The following ASTN1 variants were observed in gnomAD, a reference collection of about 807,000 sequenced individuals.
ASTN1 encodes astrotactin-1.
Under a neutral mutation model 140.7 loss-of-function variants are expected in ASTN1, and 41 were observed. That is an observed-to-expected ratio of 0.29 (90% confidence interval 0.23 to 0.38). The LOEUF (loss-of-function observed/expected upper bound fraction) is 0.38, where lower values mean the gene tolerates loss of function less well. Among genes scored for constraint, ASTN1 ranks in the 10% least tolerant of loss-of-function variants. The pLI, the probability that ASTN1 is intolerant of heterozygous loss-of-function variation, is 1.00. For missense variants in ASTN1, 1,479 were observed against 1,678.8 expected (o/e 0.88, Z 2.08); for synonymous variants, 640 against 652.2 (o/e 0.98, Z 0.29).
At chr1:177,034,584 AGAGCTCCTGG>A (rs1304404587) in intron 2 of ASTN1, among the ~76,000 whole-genome samples, 2 of 152,116 alleles carry the variant, frequency 1.3e-5, no homozygotes, top group East Asian at 3.9e-4. Flanking sequence ...ACACACACAC[AGAGCTCCTGG>A]GACCCCCCAG....
chr1:176,886,114 G>T (rs536735749), intron 18 of ASTN1, among the ~76,000 whole-genome samples: 1 of 151,982 alleles, frequency 6.6e-6, no homozygotes, highest in South Asian at 2.1e-4. Context: ...GACTAAACCC[G>T]GCCTCTTCTG....
chr1:176,961,472 C>G (rs534944669), intron 9 of ASTN1, among the ~76,000 whole-genome samples: 1 of 152,152 alleles, frequency 6.6e-6, no homozygotes, highest in Non-Finnish European at 1.5e-5. Flanking sequence ...TGCTCTGTAG[C>G]GTGGCCTCAT....
chr1:177,014,713 A>T, intron 8 of ASTN1, 78 bp downstream of exon 8: 1 of 1,348,298 alleles, frequency 7.4e-7, no homozygotes, highest in South Asian at 1.2e-5. Context: ...ATTCCTCTCC[A>T]TGCAGTTGCT....
chr1:176,939,669 T>C (rs1215387606), intron 14 of ASTN1, among the ~76,000 whole-genome samples: 1 of 152,136 alleles, frequency 6.6e-6, no homozygotes, highest in Admixed American at 6.5e-5. Flanking sequence ...TTCTGCTGAA[T>C]GACTTTTTTC....
At chr1:176,921,440 G>A (rs1362452018) in intron 16 of ASTN1, among the ~76,000 whole-genome samples, 1 of 152,160 alleles carries the variant, frequency 6.6e-6, no homozygotes, top group Non-Finnish European at 1.5e-5. Flanking sequence ...TTTAAACACA[G>A]GTTGCATGTT....
At chr1:177,104,486 G>A (rs1680451889) in intron 1 of ASTN1, among the ~76,000 whole-genome samples, 1 of 152,242 alleles carries the variant, frequency 6.6e-6, no homozygotes, top group Middle Eastern at 3.4e-3. Flanking sequence ...GACCACATGT[G>A]TTTGTGCTGT....
chr1:177,052,977 T>G (rs1009485832), intron 2 of ASTN1, among the ~76,000 whole-genome samples: 1 of 152,196 alleles, frequency 6.6e-6, no homozygotes, highest in African/African-American at 2.4e-5. Flanking sequence ...TCAGTCTCAG[T>G]GTTCACATCT....
chr1:176,991,436 C>CAAAAAAAAAAAAAAAAAAAAAAAAA (rs1173420812), intron 8 of ASTN1, among the ~76,000 whole-genome samples: 32 of 13,798 alleles, frequency 2.3e-3, no homozygotes, highest in Non-Finnish European at 2.6e-3. Flanking sequence ...AAAAAAAAAC[C>CAAAAAAAAAAAAAAAAAAAAAAAAA]AAAAAAAAAA....
At chr1:176,858,736 C>T (rs1427397017), downstream of ASTN1, among the ~76,000 whole-genome samples, 2 of 152,186 alleles carry the variant, frequency 1.3e-5, no homozygotes, top group Admixed American at 1.3e-4. Flanking sequence ...AAAGGCATTA[C>T]TGGGTTTGCA....
intron 8 of ASTN1, among the ~76,000 whole-genome samples, chr1:177,010,024 T>C (rs557015567): frequency 6.6e-6 from 1 of 152,188 alleles, no homozygotes; most frequent in Admixed American, 6.5e-5. Context: ...CTAGAGGCCC[T>C]TGGGTGTACT....
chr1:176,936,254 A>C lies in ASTN1; in HGVS notation c.2482+12T>G. 1 of 1,608,564 alleles carries C rather than the reference A, an allele frequency of 6.2e-7. No individual in the cohort carries two copies. Among genetic ancestry groups the C allele is most frequent in the Non-Finnish European group, 8.5e-7 (1 of 1,174,970 alleles). On this transcript the variant is annotated intron_variant, in intron 15 of 22. Transcript: ENST00000361833. ...AGGGAAGGTGGGCAGGATAGCCTGC[A>C]GCAGTGCTCACCCTGAGAGATGGCC...
chr1:176,942,541 T>G (rs1386340052), intron 14 of ASTN1, among the ~76,000 whole-genome samples: 3 of 151,978 alleles, frequency 2.0e-5, no homozygotes, highest in African/African-American at 7.2e-5. Context: ...GAAAATATCT[T>G]GGGCCCCCCA....
intron 20 of ASTN1, among the ~76,000 whole-genome samples, chr1:176,879,997 G>A (rs913923703): frequency 5.9e-5 from 9 of 152,176 alleles, no homozygotes; most frequent in Non-Finnish European, 8.8e-5. Context: ...TAGCGTTATC[G>A]TTTCTACCAC....
chr1:176,885,449 T>G (rs1291833592), intron 18 of ASTN1, among the ~76,000 whole-genome samples: 1 of 152,204 alleles, frequency 6.6e-6, no homozygotes, highest in Non-Finnish European at 1.5e-5. Flanking sequence ...CCCTCTTTCT[T>G]CCAATTCTGT....
intron 1 of ASTN1, among the ~76,000 whole-genome samples, chr1:177,107,282 C>T (rs1680594721): frequency 2.6e-5 from 4 of 152,030 alleles, no homozygotes; most frequent in Admixed American, 2.6e-4. Context: ...TCTAGCTATA[C>T]AATAATACAA....
chr1:177,083,060 T>G (rs1385045259), intron 1 of ASTN1, among the ~76,000 whole-genome samples: 2 of 152,194 alleles, frequency 1.3e-5, no homozygotes, highest in African/African-American at 4.8e-5. Context: ...CTCATTAGCC[T>G]TGACTTCTTA....
intron 17 of ASTN1, among the ~76,000 whole-genome samples, chr1:176,893,423 T>C (rs528842313): frequency 8.9e-4 from 135 of 152,342 alleles, no homozygotes; most frequent in African/African-American, 3.1e-3. Context: ...CTCCTCTTCC[T>C]GTAGCCACCT....
chr1:177,024,740 T>C lies in ASTN1; in HGVS notation c.1121-8A>G, dbSNP rs2101959950. 6.2e-7 allele frequency: 1 copy of C among 1,611,774 alleles called. No individual in the cohort carries two copies. The highest frequency in any genetic ancestry group is 1.3e-5 in the African/African-American group (1 of 74,986). ...GACTTCGGGGAGAACCCACTGAAAG[T>C]GAGACAAAAGCAAGATACATGGTGG... is the stretch of plus-strand genomic sequence containing the variant. On this transcript the variant is annotated splice_polypyrimidine_tract_variant and splice_region_variant and intron_variant, in intron 5 of 22. Transcript: ENST00000361833.
At chr1:177,079,854 A>G (rs578001074) in intron 1 of ASTN1, among the ~76,000 whole-genome samples, 13 of 152,290 alleles carry the variant, frequency 8.5e-5, no homozygotes, top group African/African-American at 3.1e-4. Context: ...ATCCAGAGAA[A>G]GAATCCCACA....
Sources: allele counts gnomAD v4.1 joint callset (sites outside exome capture counted in the v4.1 genomes callset), GRCh38; gene constraint gnomAD v4.1.1; transcripts MANE v1.5; gene names NCBI Gene and HGNC (gene_info 2026-07-23, HGNC 2026-07-21).